CACNA1A: variants seen among roughly 807,000 people sequenced by gnomAD.
The protein encoded by CACNA1A is calcium voltage-gated channel subunit alpha1 A, also known as voltage-dependent P/Q-type calcium channel subunit alpha-1A.
Under a neutral mutation model 262.4 loss-of-function variants are expected in CACNA1A, and 57 were observed. The observed-to-expected ratio is 0.22, with a 90% CI of 0.18 to 0.27. The LOEUF (loss-of-function observed/expected upper bound fraction) is 0.27. Ranked by LOEUF, CACNA1A falls within the 10% of genes least tolerant of loss-of-function variation. The pLI, the probability that CACNA1A is intolerant of heterozygous loss-of-function variation, is 1.00. For missense variants in CACNA1A, 2,526 were observed against 3,562.8 expected, an observed-to-expected ratio of 0.71 and a Z score of 7.41; for synonymous variants, 1,431 against 1,419.3, an observed-to-expected ratio of 1.01 and a Z score of -0.18.
At chr19:13,479,862 A>G (rs568217650) in intron 1 of CACNA1A, among the ~76,000 whole-genome samples, 190 of 152,338 alleles carry the variant, frequency 1.2e-3, no homozygotes, top group African/African-American at 4.4e-3. Context: ...ATATAATAAC[A>G]TATACTATAC....
intron 3 of CACNA1A, among the ~76,000 whole-genome samples, chr19:13,396,954 T>C (rs1403982750): frequency 1.5e-4 from 23 of 152,216 alleles, no homozygotes; most frequent in Admixed American, 1.5e-3. Context: ...CTGCCTCCAC[T>C]GGGTTCCAGG....
intron 1 of CACNA1A, among the ~76,000 whole-genome samples, chr19:13,503,777 G>C (rs1190710220): frequency 6.6e-6 from 1 of 151,994 alleles, no homozygotes; most frequent in Non-Finnish European, 1.5e-5. Flanking sequence ...TCGGGTCAAA[G>C]AGAACAAAAA....
At chr19:13,457,327 C>T (rs1250354070) in intron 1 of CACNA1A, among the ~76,000 whole-genome samples, 5 of 152,064 alleles carry the variant, frequency 3.3e-5, no homozygotes, top group Non-Finnish European at 5.9e-5. Flanking sequence ...TCCTTGGTTC[C>T]TCAAAAAGTT....
At chr19:13,290,690 G>A (rs1193697602) in intron 19 of CACNA1A, among the ~76,000 whole-genome samples, 1 of 152,072 alleles carries the variant, frequency 6.6e-6, no homozygotes. Context: ...TGGGATTACA[G>A]GTGTGAGCCA....
At chr19:13,442,729 G>C (rs766879520) in intron 3 of CACNA1A, among the ~76,000 whole-genome samples, 3 of 152,142 alleles carry the variant, frequency 2.0e-5, no homozygotes, top group Non-Finnish European at 4.4e-5. Flanking sequence ...CTGAAGTCCA[G>C]GTCTTAACCA....
chr19:13,259,965 C>T, intron 26 of CACNA1A: 1 of 403,782 alleles, frequency 2.5e-6, no homozygotes, highest in East Asian at 4.7e-5. Context: ...GCACCCTCTT[C>T]CAACGTGATA....
At position 13,359,502 on chromosome 19, in the gene CACNA1A, C is replaced by T. The variant is rs16007; in HGVS notation, c.978+104G>A. On this transcript the variant is annotated intron_variant, in intron 6 of 46. Coordinates refer to ENST00000360228, the MANE Select transcript of CACNA1A (RefSeq NM_001127222.2). Reference sequence around the variant, plus strand: ...CTGTGTTGTCCTTGGGCTGCCTTTCCCAGCTCAGGGTCCCTCCATTGCAGC... The same window carrying T: ...CTGTGTTGTCCTTGGGCTGCCTTTCTCAGCTCAGGGTCCCTCCATTGCAGC... 0.06 allele frequency: 53,798 copies of T among 898,056 alleles called. 2,328 individuals carry two copies. Among genetic ancestry groups the T allele is most frequent in the Admixed American group, 0.19 (8,966 of 47,856 alleles). 55.6% of individuals were successfully genotyped at this position (898,056 alleles called of 1,614,324 possible).
At chr19:13,258,114 A>G (rs2056621460) in intron 27 of CACNA1A, 1 of 152,000 alleles carries the variant, frequency 6.6e-6, no homozygotes, top group East Asian at 1.9e-4. Context: ...ATTCATCCCC[A>G]CCGGCTCAGC....
chr19:13,299,580 C>A (rs889439407), intron 18 of CACNA1A, among the ~76,000 whole-genome samples: 7 of 152,184 alleles, frequency 4.6e-5, no homozygotes, highest in East Asian at 1.9e-4. Context: ...AGTCCTCCCC[C>A]CTGACCCAGA....
intron 19 of CACNA1A, among the ~76,000 whole-genome samples, chr19:13,294,080 T>C (rs1310448152): frequency 6.6e-6 from 1 of 151,866 alleles, no homozygotes; most frequent in Non-Finnish European, 1.5e-5. Flanking sequence ...ATATTAGTAA[T>C]AATAGCAAGA....
intron 10 of CACNA1A, 36 bp from the exon 11 acceptor site, chr19:13,317,357 C>T (rs758736050): frequency 6.5e-7 from 1 of 1,543,402 alleles, no homozygotes; most frequent in Non-Finnish European, 8.9e-7. Context: ...CAGGCTCAGG[C>T]TGTTCCTTCA....
At chr19:13,281,058 T>G (rs1430947672) in intron 22 of CACNA1A, among the ~76,000 whole-genome samples, 2 of 151,806 alleles carry the variant, frequency 1.3e-5, no homozygotes, top group Non-Finnish European at 2.9e-5. Context: ...AAACATAAAT[T>G]CAGTTTTTAA....
chr19:13,336,641 A>AGAGAGAG, intron 6 of CACNA1A, among the ~76,000 whole-genome samples: 1 of 46,792 alleles, frequency 2.1e-5, no homozygotes, highest in Admixed American at 2.3e-4. Flanking sequence ...GAGAGAGAGA[A>AGAGAGAG]AAGAATGATA....
At chr19:13,497,972 T>C (rs954571140) in intron 1 of CACNA1A, among the ~76,000 whole-genome samples, 1 of 151,662 alleles carries the variant, frequency 6.6e-6, no homozygotes, top group East Asian at 1.9e-4. Flanking sequence ...CTCCATCCAA[T>C]ATCACCTTCC....
At chr19:13,253,161 G>C in intron 29 of CACNA1A, 60 bp from the exon 30 acceptor site, 1 of 1,070,040 alleles carries the variant, frequency 9.3e-7, no homozygotes, top group Non-Finnish European at 1.4e-6. Flanking sequence ...GTGGGAAGTG[G>C]GGAGGCAGCT....
chr19:13,336,604 A>AGAGG (rs2058577226), intron 6 of CACNA1A, among the ~76,000 whole-genome samples: 1 of 25,164 alleles, frequency 4.0e-5, no homozygotes, highest in African/African-American at 7.4e-5. Context: ...GGAGAGAGAG[A>AGAGG]GAGAGAGAGA....
At position 13,214,628 on chromosome 19, in the gene CACNA1A, A is replaced by G. The variant is rs1425639727; in HGVS notation, c.5732-20T>C. On this transcript the variant is annotated intron_variant, in intron 38 of 46. Transcript: ENST00000360228. This position sits in a 1 kb window ranked among gnomAD's most constrained non-coding sequence, Gnocchi z 4.1. ...CTCCTCCTGCAATGGGGGTGTAGAC[A>G]GACCCTGACTGCCTGCCTGGGTGTC... 4 of 1,592,978 alleles carry G rather than the reference A, an allele frequency of 2.5e-6. No homozygotes were observed. The African/African-American group carries it at 4.0e-5, about 16-fold the overall frequency.
At chr19:13,379,922 CAAAAAAAAA>C (rs56778542) in intron 3 of CACNA1A, among the ~76,000 whole-genome samples, 1 of 30,378 alleles carries the variant, frequency 3.3e-5, no homozygotes, top group Non-Finnish European at 6.0e-5. Flanking sequence ...GATGCCGTCT[CAAAAAAAAA>C]AAAAAAAAAA....
chr19:13,439,566 ATT>A (rs201258979), intron 3 of CACNA1A, among the ~76,000 whole-genome samples: 5 of 139,154 alleles, frequency 3.6e-5, no homozygotes, highest in East Asian at 2.1e-4. Context: ...TGCCTGGCTA[ATT>A]TTTTTTTTTT....
Sources: gnomAD v4.1 joint callset for allele counts (sites outside exome capture counted in the v4.1 genomes callset) on GRCh38, gnomAD v4.1.1 for gene constraint, Gnocchi (gnomAD v3.1) non-coding constraint, MANE v1.5 for transcripts, NCBI Gene and HGNC (gene_info 2026-07-23, HGNC 2026-07-21) for gene names.